Variants in ADAM23 observed in about 807,000 individuals in gnomAD.
ADAM23 encodes ADAM metallopeptidase domain 23, also known as disintegrin and metalloproteinase domain-containing protein 23.
Under a neutral mutation model 120.1 loss-of-function variants are expected in ADAM23, and 33 were observed. That is an observed-to-expected ratio of 0.27 (90% CI 0.21 to 0.37). The LOEUF (loss-of-function observed/expected upper bound fraction) is 0.37, where lower values mean the gene tolerates loss of function less well. ADAM23 is among the 10% of genes least tolerant of loss of function. The probability of loss-of-function intolerance (pLI) is 1.00; values close to 1 mark genes in which losing one functional copy is unlikely to be tolerated. For synonymous variants in ADAM23, 367 were observed against 375.2 expected, an observed-to-expected ratio of 0.98 and a Z score of 0.25; for missense variants, 862 against 1,058.2, an observed-to-expected ratio of 0.81 and a Z score of 2.57.
In ADAM23 at chr2:206,564,498, T is replaced by C. The variant is rs138782861; in HGVS notation, c.1346-522T>C. Among the ~76,000 whole-genome samples the C allele has an allele frequency of 5.4e-4, 82 of 152,338 alleles. No individual in the cohort carries two copies. The East Asian group carries it at 0.015, about 28-fold the overall frequency. Reference sequence around the variant, plus strand: ...CTGTTAGAAAACTTCAGTGATGATATGTTGTGTTTGTGCAACAGAGCTTTA... The same window carrying C: ...CTGTTAGAAAACTTCAGTGATGATACGTTGTGTTTGTGCAACAGAGCTTTA... On this transcript the variant is annotated intron_variant, in intron 13 of 25. Coordinates refer to ENST00000264377, the MANE Select transcript of ADAM23 (RefSeq NM_003812.4).
At chr2:206,540,133 G>A (rs1697259910) in intron 4 of ADAM23, among the ~76,000 whole-genome samples, 1 of 151,846 alleles carries the variant, frequency 6.6e-6, no homozygotes, top group Non-Finnish European at 1.5e-5. Context: ...AGTGAGCTGA[G>A]ATCATGCCAC....
intron 4 of ADAM23, among the ~76,000 whole-genome samples, chr2:206,531,403 T>A (rs1431703336): frequency 1.3e-5 from 2 of 152,042 alleles, no homozygotes; most frequent in Non-Finnish European, 2.9e-5. Flanking sequence ...TTCTATGAGG[T>A]GGATGTTATT....
intron 9 of ADAM23, among the ~76,000 whole-genome samples, chr2:206,554,207 G>A (rs1298385426): frequency 1.3e-5 from 2 of 152,026 alleles, no homozygotes; most frequent in Non-Finnish European, 1.5e-5. Flanking sequence ...ATTTTCAATA[G>A]GTATCACATT....
intron 3 of ADAM23, among the ~76,000 whole-genome samples, chr2:206,517,984 T>TA (rs1419212334): frequency 1.3e-5 from 2 of 152,220 alleles, no homozygotes; most frequent in African/African-American, 4.8e-5. Context: ...TCTGGAATCT[T>TA]ACAAAGGTTT....
chr2:206,574,299 G>T (rs1209800975), intron 18 of ADAM23, among the ~76,000 whole-genome samples: 3 of 151,968 alleles, frequency 2.0e-5, no homozygotes, highest in African/African-American at 7.2e-5. Context: ...AGTATAGATT[G>T]CACATGTGAA....
At position 206,617,931 on chromosome 2, in the gene ADAM23, T is replaced by C. The variant is rs1452652873; in HGVS notation, c.*304T>C. ...CGAAGGAACAACACACACACAAAAA[T>C]TAAATGCAATAAAGGAATCATTAAA... On this transcript the variant is annotated 3_prime_UTR_variant, in exon 26 of 26. Coordinates refer to ENST00000264377, the MANE Select transcript of ADAM23 (RefSeq NM_003812.4). The C allele has an allele frequency of 1.0e-5, 3 of 299,968 alleles. No individual in the cohort carries two copies. Among genetic ancestry groups the C allele is most frequent in the African/African-American group, 6.5e-5 (3 of 46,122 alleles). The allele number at this position is 299,968 out of a possible 1,614,324, so 18.6% of individuals were successfully genotyped here. A position where few individuals can be genotyped will look rare whatever the true frequency, so the allele number is the denominator to read the frequency against.
At chr2:206,538,952 T>C (rs558416751) in intron 4 of ADAM23, among the ~76,000 whole-genome samples, 1 of 152,252 alleles carries the variant, frequency 6.6e-6, no homozygotes, top group Admixed American at 6.5e-5. Context: ...GAGAACTGGA[T>C]CTTTTTTTCC....
At chr2:206,548,854 AATTT>A (rs2105812557) in intron 8 of ADAM23, among the ~76,000 whole-genome samples, 1 of 152,320 alleles carries the variant, frequency 6.6e-6, no homozygotes, top group South Asian at 2.1e-4. Context: ...GAACACAATG[AATTT>A]ATTTGACTAT....
At position 206,501,049 on chromosome 2, in the gene ADAM23, A is replaced by C. The variant is rs367999979; in HGVS notation, c.509+19741A>C. 2.0e-4 allele frequency among the ~76,000 whole-genome samples: 30 copies of C among 151,806 alleles called. No individual in the cohort carries two copies. In the South Asian group the frequency reaches 6.2e-3, roughly 32 times the overall value. ...GTGTTTGAATTGCAGGGATTTATAC[A>C]GGCTACTGAATTGAAAAGAGCTTTG... On this transcript the variant is annotated intron_variant, in intron 3 of 25. Transcript: ENST00000264377.
rs1202783080 is a variant in ADAM23 at position 206,617,711 on chromosome 2, G to T, written c.*84G>T. 1.3e-6 allele frequency: 2 copies of T among 1,576,762 alleles called. No individual in the cohort carries two copies. The highest frequency in any genetic ancestry group is 1.4e-5 in the African/African-American group (1 of 73,920). ...GCAGCAGTGTTACTGGAACTATTAA[G>T]TTTGTAAACAAAACCTTTGGGTGGT... On this transcript the variant is annotated 3_prime_UTR_variant, in exon 26 of 26. Coordinates refer to ENST00000264377, the MANE Select transcript of ADAM23 (RefSeq NM_003812.4).
intron 4 of ADAM23, among the ~76,000 whole-genome samples, chr2:206,533,195 TG>T (rs531481048): frequency 7.2e-4 from 109 of 152,192 alleles, no homozygotes; most frequent in Admixed American, 1.3e-3. Context: ...GATCTCAAAT[TG>T]TTTTTTTTAT....
At chr2:206,503,640 G>A (rs977680659) in intron 3 of ADAM23, among the ~76,000 whole-genome samples, 3 of 152,096 alleles carry the variant, frequency 2.0e-5, no homozygotes, top group Admixed American at 6.6e-5. Context: ...GAAGGGACTG[G>A]CATGTATAAT....
intron 24 of ADAM23, among the ~76,000 whole-genome samples, chr2:206,600,062 CGTG>C: frequency 6.6e-6 from 1 of 152,156 alleles, no homozygotes; most frequent in Admixed American, 6.5e-5. Flanking sequence ...ATTAGTTGGG[CGTG>C]GTGGCAGGCA....
At chr2:206,497,388 C>A (rs1232057167) in intron 3 of ADAM23, among the ~76,000 whole-genome samples, 2 of 152,082 alleles carry the variant, frequency 1.3e-5, no homozygotes, top group African/African-American at 4.8e-5. Context: ...ATAAACAGAA[C>A]CAAAGACAAA....
intron 3 of ADAM23, among the ~76,000 whole-genome samples, chr2:206,506,399 T>G (rs976645703): frequency 1.3e-5 from 2 of 152,190 alleles, no homozygotes; most frequent in Non-Finnish European, 2.9e-5. Flanking sequence ...AAGTAGTAAC[T>G]TCAGCTGAAA....
At chr2:206,454,942 G>T (rs1023615472) in intron 2 of ADAM23, among the ~76,000 whole-genome samples, 1 of 152,184 alleles carries the variant, frequency 6.6e-6, no homozygotes, top group African/African-American at 2.4e-5. Context: ...GGCCTTTCTA[G>T]GTGCATGGTG....
At chr2:206,581,650 A>G (rs182852320) in intron 18 of ADAM23, among the ~76,000 whole-genome samples, 82 of 152,278 alleles carry the variant, frequency 5.4e-4, no homozygotes, top group African/African-American at 1.9e-3. Context: ...CATATGGTCT[A>G]TCTTGGAGAA....
chr2:206,603,279 C>T (rs1300785636), intron 24 of ADAM23, among the ~76,000 whole-genome samples: 1 of 152,138 alleles, frequency 6.6e-6, no homozygotes, highest in Admixed American at 6.5e-5. Flanking sequence ...AAAATCCACC[C>T]ACCCGTGAGC....
At chr2:206,573,020 C>G (rs753433100) in intron 17 of ADAM23, 95 bp from the exon 18 acceptor site, 5 of 1,224,412 alleles carry the variant, frequency 4.1e-6, no homozygotes, top group East Asian at 2.3e-5. Flanking sequence ...GTTAGTTATG[C>G]GAGAGTATAG....
Sources: allele counts gnomAD v4.1 joint callset (sites outside exome capture counted in the v4.1 genomes callset), GRCh38; gene constraint gnomAD v4.1.1; transcripts MANE v1.5; gene names NCBI Gene and HGNC (gene_info 2026-07-23, HGNC 2026-07-21).